TENT4B: variants seen among roughly 807,000 people sequenced by gnomAD.
TENT4B encodes the protein terminal nucleotidyltransferase 4B.
Under a neutral mutation model 75.0 loss-of-function variants are expected in TENT4B, and 10 were observed. The observed-to-expected ratio is 0.13, with a 90% CI of 0.08 to 0.23. The LOEUF is 0.23. TENT4B is among the 10% of genes least tolerant of loss of function. The pLI is 1.00. For synonymous variants in TENT4B, 350 were observed against 357.7 expected, an observed-to-expected ratio of 0.98 and a Z score of 0.24; for missense variants, 579 against 893.8, an observed-to-expected ratio of 0.65 and a Z score of 4.49.
intron 1 of TENT4B, among the ~76,000 whole-genome samples, chr16:50,179,906 C>T (rs932390454): frequency 6.6e-6 from 1 of 152,024 alleles, no homozygotes; most frequent in African/African-American, 2.4e-5. Context: ...TCTGCCATAC[C>T]GTTGGGTTTC....
In TENT4B at chr16:50,154,049, C is replaced by A; in HGVS notation, c.428C>A (p.Ala143Asp). The change falls in exon 1 of 12, where the codon GCC (alanine) becomes GAC (aspartate). Residue 143 changes from alanine to aspartate, a missense_variant. By Grantham distance (126) the Ala-to-Asp change is moderately radical. This residue lies in a region of TENT4B where 253 missense variants were observed against 270.1 expected (regional missense o/e 0.94). Coordinates refer to ENST00000561678, the MANE Select transcript of TENT4B (RefSeq NM_001365324.3). ...GCGTCCTCGTCCCCGCACCCTTCGG[C>A]CGCCGTCCCCGCCGCCGATCCAGCC... ...PSASSSPHPSAAVPAADPADS... is the reference protein window; with the variant it reads ...PSASSSPHPSDAVPAADPADS... The A allele has an allele frequency of 2.0e-6, 3 of 1,531,110 alleles. No individual in the cohort carries two copies. The East Asian group carries it at 7.4e-5, about 38-fold the overall frequency. 94.8% of individuals were successfully genotyped at this position (1,531,110 alleles called of 1,614,324 possible).
chr16:50,205,772 G>A (rs1289255152), intron 1 of TENT4B, among the ~76,000 whole-genome samples: 1 of 151,364 alleles, frequency 6.6e-6, no homozygotes, highest in African/African-American at 2.4e-5. Flanking sequence ...TGTATTTTTA[G>A]TAGAGATGGG....
rs2032276363 is a variant in TENT4B at position 50,231,014 on chromosome 16, A to G, written c.*1686A>G. ...CCAATCAGACCATTAATGGACACTT[A>G]GTGTAACTTTTTATAAAGAAAATAA... On this transcript the variant is annotated 3_prime_UTR_variant, in exon 12 of 12. Transcript: ENST00000561678. The G allele has an allele frequency of 3.1e-6, 3 of 983,220 alleles. No homozygotes were observed. The South Asian group carries it at 1.4e-4, about 46-fold the overall frequency. 60.9% of individuals were successfully genotyped at this position (983,220 alleles called of 1,614,324 possible).
chr16:50,175,547 C>T (rs549826644), intron 1 of TENT4B, among the ~76,000 whole-genome samples: 34 of 151,992 alleles, frequency 2.2e-4, no homozygotes, highest in African/African-American at 7.7e-4. Context: ...TGCAGTGGCG[C>T]GATCTCGGCT....
intron 1 of TENT4B, among the ~76,000 whole-genome samples, chr16:50,180,415 T>G (rs2038390855): frequency 1.3e-5 from 2 of 152,168 alleles, no homozygotes; most frequent in Non-Finnish European, 2.9e-5. Context: ...CACATATTTT[T>G]TGAAATAATA....
chr16:50,192,421 T>A (rs944797166), intron 1 of TENT4B, among the ~76,000 whole-genome samples: 5 of 152,132 alleles, frequency 3.3e-5, no homozygotes, highest in East Asian at 3.9e-4. Context: ...TTCTTTAAAA[T>A]TTTTTTTAAA....
intron 5 of TENT4B, among the ~76,000 whole-genome samples, chr16:50,220,335 C>T (rs1304458659): frequency 2.0e-5 from 3 of 151,538 alleles, no homozygotes; most frequent in Non-Finnish European, 4.4e-5. Context: ...TGCTATGTGG[C>T]CACTTTTTTT....
intron 1 of TENT4B, 143 bp downstream of exon 1, chr16:50,154,402 C>A: frequency 8.1e-7 from 1 of 1,240,740 alleles, no homozygotes; most frequent in Non-Finnish European, 1.0e-6. Context: ...GTGCTGCTGG[C>A]CATCCCCAAC....
intron 1 of TENT4B, among the ~76,000 whole-genome samples, chr16:50,188,894 A>G (rs1338946145): frequency 1.3e-5 from 2 of 152,178 alleles, no homozygotes; most frequent in East Asian, 1.9e-4. Context: ...AACAAGATAC[A>G]TGCTGACATT....
At chr16:50,224,104 A>G (rs1209906021) in intron 7 of TENT4B, among the ~76,000 whole-genome samples, 1 of 152,244 alleles carries the variant, frequency 6.6e-6, no homozygotes, top group African/African-American at 2.4e-5. Context: ...GAGATAGAGT[A>G]GTTGCCTAGG....
At position 50,234,654 on chromosome 16, in the gene TENT4B, A is replaced by G; in HGVS notation, c.*5326A>G. ...AAGTCACTTTAAAAAAGTCTTTTGA[A>G]AGTCCTACAATCCTAAAATAAATCA... On this transcript the variant is annotated 3_prime_UTR_variant, in exon 12 of 12. Transcript: ENST00000561678. 1.0e-6 allele frequency: 1 copy of G among 985,436 alleles called. No individual in the cohort carries two copies. The highest frequency in any genetic ancestry group is 1.2e-6 in the Non-Finnish European group (1 of 829,928). 61.0% of individuals were successfully genotyped at this position (985,436 alleles called of 1,614,324 possible).
At chr16:50,198,701 A>G (rs2030441271) in intron 1 of TENT4B, among the ~76,000 whole-genome samples, 1 of 152,200 alleles carries the variant, frequency 6.6e-6, no homozygotes, top group Non-Finnish European at 1.5e-5. Flanking sequence ...TGGAAGAATA[A>G]GCAGGCAAGA....
At chr16:50,170,969 T>A (rs1334278826) in intron 1 of TENT4B, among the ~76,000 whole-genome samples, 1 of 151,368 alleles carries the variant, frequency 6.6e-6, no homozygotes, top group African/African-American at 2.4e-5. Flanking sequence ...TGTTTTTTTT[T>A]TTTTAATTGT....
intron 2 of TENT4B, among the ~76,000 whole-genome samples, chr16:50,213,276 C>G (rs1173672146): frequency 4.6e-5 from 7 of 152,200 alleles, no homozygotes; most frequent in Non-Finnish European, 1.0e-4. Context: ...CCAGGCTGGT[C>G]TTGAACTCCT....
At chr16:50,203,756 G>C (rs2030791459) in intron 1 of TENT4B, among the ~76,000 whole-genome samples, 1 of 152,202 alleles carries the variant, frequency 6.6e-6, no homozygotes, top group South Asian at 2.1e-4. Flanking sequence ...GGACATTGGG[G>C]TGGGTAGATG....
Position 50,234,721 on chromosome 16 carries a change from C to G in TENT4B, c.*5393C>G, listed in dbSNP as rs1302616740. 3 of 985,272 alleles carry G rather than the reference C, an allele frequency of 3.0e-6. No individual in the cohort carries two copies. The African/African-American group carries it at 5.2e-5, about 17-fold the overall frequency. The allele number at this position is 985,272 out of a possible 1,614,324, so 61.0% of individuals were successfully genotyped here. A position where few individuals can be genotyped will look rare whatever the true frequency, so the allele number is the denominator to read the frequency against. ...ACGTGTCAAGAGTCTCCAGTCTTTA[C>G]TACTAAAAAGCAGCACTGCCTTAAC... On this transcript the variant is annotated 3_prime_UTR_variant, in exon 12 of 12. Transcript: ENST00000561678.
rs2032365925 is a variant in TENT4B, at chr16:50,233,702, G to A, written c.*4374G>A. 2 of 984,384 alleles carry A rather than the reference G, an allele frequency of 2.0e-6. No homozygotes were observed. Among genetic ancestry groups the A allele is most frequent in the Admixed American group, 6.2e-5 (1 of 16,208 alleles). 61.0% of individuals were successfully genotyped at this position (984,384 alleles called of 1,614,324 possible). On this transcript the variant is annotated 3_prime_UTR_variant, in exon 12 of 12. Transcript: ENST00000561678. The stretch of plus-strand genomic sequence containing the variant: ...GGTTTTTGGTTTTTTTAAAAAAAAT[G>A]TGTTTGGCCTTTACATTTTCTACTT...
rs1008334298 is a variant in TENT4B at position 50,230,824 on chromosome 16, G to T, written c.*1496G>T. ...ATAATAGAATGTAAGTGACATTTCT[G>T]AAAATGCTTTCTTTCAGGGTGAAAG... On this transcript the variant is annotated 3_prime_UTR_variant, in exon 12 of 12. Transcript: ENST00000561678. The T allele has an allele frequency of 6.1e-6, 6 of 985,604 alleles. No individual in the cohort carries two copies. The highest frequency in any genetic ancestry group is 4.8e-6 in the Non-Finnish European group (4 of 829,716). 61.1% of individuals were successfully genotyped at this position (985,604 alleles called of 1,614,324 possible). A position where few individuals can be genotyped will look rare whatever the true frequency, so the allele number is the denominator to read the frequency against.
intron 1 of TENT4B, among the ~76,000 whole-genome samples, chr16:50,183,923 A>G (rs1389475930): frequency 6.6e-6 from 1 of 152,156 alleles, no homozygotes; most frequent in Non-Finnish European, 1.5e-5. Flanking sequence ...TAACCCATTT[A>G]AAGTGGGTGA....
Sources: gnomAD v4.1 joint callset for allele counts (sites outside exome capture counted in the v4.1 genomes callset) on GRCh38, gnomAD v4.1.1 for gene constraint, gnomAD v4.1.1 regional missense constraint, MANE v1.5 for transcripts, NCBI Gene and HGNC (gene_info 2026-07-23, HGNC 2026-07-21) for gene names.